The following CPEB3 variants were observed in gnomAD, a reference collection of about 807,000 sequenced individuals.
CPEB3 encodes the protein cytoplasmic polyadenylation element-binding protein 3.
Under a neutral mutation model 67.2 loss-of-function variants are expected in CPEB3, and 20 were observed. The ratio of observed to expected loss-of-function variants is 0.30; its 90% CI spans 0.21 to 0.43. The LOEUF is 0.43. Ranked by LOEUF, CPEB3 falls within the 20% of genes least tolerant of loss-of-function variation. CPEB3 has a pLI of 1.00. For synonymous variants in CPEB3, 376 were observed against 393.1 expected (o/e 0.96, Z 0.51); for missense variants, 746 against 968.6 (o/e 0.77, Z 3.05).
intron 9 of CPEB3, among the ~76,000 whole-genome samples, chr10:92,062,480 T>A (rs1028468429): frequency 1.3e-5 from 2 of 152,166 alleles, no homozygotes; most frequent in African/African-American, 4.8e-5. Flanking sequence ...CCCACATGAC[T>A]AGTATTTATG....
chr10:92,120,098 CAAAAA>C (rs34785763), intron 6 of CPEB3, among the ~76,000 whole-genome samples: 2 of 45,284 alleles, frequency 4.4e-5, no homozygotes, highest in African/African-American at 1.3e-4. Flanking sequence ...ACTAAAAATA[CAAAAA>C]AAAAAAAAAA....
chr10:92,101,393 T>C (rs960308951), intron 7 of CPEB3, among the ~76,000 whole-genome samples: 2 of 152,040 alleles, frequency 1.3e-5, no homozygotes, highest in African/African-American at 4.8e-5. Context: ...GGAAAAACAA[T>C]ACTGCAGAAC....
intron 7 of CPEB3, among the ~76,000 whole-genome samples, chr10:92,107,041 T>A (rs1205343243): frequency 1.3e-5 from 2 of 151,826 alleles, no homozygotes; most frequent in African/African-American, 2.4e-5. Context: ...ACCAAAGAGG[T>A]GTGAATGAAA....
At chr10:92,074,720 T>G (rs1009080162) in intron 9 of CPEB3, among the ~76,000 whole-genome samples, 1 of 152,196 alleles carries the variant, frequency 6.6e-6, no homozygotes, top group Admixed American at 6.5e-5. Flanking sequence ...TTAAGGACTT[T>G]GACCTTTATC....
chr10:92,215,544 C>T (rs1165764180), intron 2 of CPEB3, among the ~76,000 whole-genome samples: 1 of 149,954 alleles, frequency 6.7e-6, no homozygotes. Context: ...CGGGTTCAAG[C>T]GATTTTCCTG....
intron 2 of CPEB3, among the ~76,000 whole-genome samples, chr10:92,236,726 G>A (rs1465945728): frequency 6.6e-6 from 1 of 151,298 alleles, no homozygotes; most frequent in Non-Finnish European, 1.5e-5. Context: ...TCCACCCTGA[G>A]CAACAAAAGT....
At chr10:92,244,052 C>T (rs1851955956) in intron 1 of CPEB3, among the ~76,000 whole-genome samples, 4 of 152,028 alleles carry the variant, frequency 2.6e-5, no homozygotes. Context: ...TATTTAAAAA[C>T]AATTGTATAT....
At chr10:92,089,928 A>C (rs563660860) in intron 8 of CPEB3, among the ~76,000 whole-genome samples, 2 of 152,362 alleles carry the variant, frequency 1.3e-5, no homozygotes, top group East Asian at 3.9e-4. Flanking sequence ...AATGTTAAAG[A>C]ATATAATTTC....
chr10:92,144,294 C>G (rs1846575653), intron 5 of CPEB3, among the ~76,000 whole-genome samples: 2 of 152,086 alleles, frequency 1.3e-5, no homozygotes, highest in African/African-American at 4.8e-5. Context: ...ACTTATGAGA[C>G]AGGGTCTCAC....
At chr10:92,141,763 A>G (rs1315331733) in intron 6 of CPEB3, among the ~76,000 whole-genome samples, 1 of 151,368 alleles carries the variant, frequency 6.6e-6, no homozygotes, top group East Asian at 1.9e-4. Flanking sequence ...TCACGCCTGT[A>G]ATCCCAGCAC....
intron 9 of CPEB3, among the ~76,000 whole-genome samples, chr10:92,053,747 T>A (rs1237240374): frequency 1.3e-5 from 2 of 152,166 alleles, no homozygotes; most frequent in East Asian, 3.9e-4. Flanking sequence ...TTCACTGTGT[T>A]AGCCAGGATG....
chr10:92,268,504 T>C (rs1422645904), intron 1 of CPEB3, among the ~76,000 whole-genome samples: 2 of 152,156 alleles, frequency 1.3e-5, no homozygotes, highest in South Asian at 2.1e-4. Flanking sequence ...TTTTAGAGTG[T>C]ACTGCAGTCA....
intron 1 of CPEB3, among the ~76,000 whole-genome samples, chr10:92,281,829 T>C (rs910086554): frequency 2.6e-5 from 4 of 152,236 alleles, no homozygotes; most frequent in Admixed American, 2.0e-4. Flanking sequence ...GGTTCCAATG[T>C]CTTGAATGGT....
chr10:92,162,511 C>G (rs1238147274), intron 4 of CPEB3, among the ~76,000 whole-genome samples: 1 of 151,930 alleles, frequency 6.6e-6, no homozygotes, highest in South Asian at 2.1e-4. Flanking sequence ...ATCCACAGTG[C>G]TAATATTTTT....
At chr10:92,203,528 A>T (rs11186855) in intron 2 of CPEB3, among the ~76,000 whole-genome samples, 27,807 of 93,740 alleles carry the variant, frequency 0.3, 3,445 homozygotes, top group African/African-American at 0.47. Context: ...ATATATATAT[A>T]TTTTTTTTTT....
At chr10:92,068,754 G>A (rs1399719440) in intron 9 of CPEB3, among the ~76,000 whole-genome samples, 1 of 152,178 alleles carries the variant, frequency 6.6e-6, no homozygotes, top group Non-Finnish European at 1.5e-5. Flanking sequence ...CGTGGAAGGA[G>A]AGCATGGACA....
chr10:92,063,015 C>A (rs1328118740), intron 9 of CPEB3, among the ~76,000 whole-genome samples: 1 of 152,186 alleles, frequency 6.6e-6, no homozygotes, highest in Non-Finnish European at 1.5e-5. Context: ...TACTGATGAG[C>A]TTGTAACCAC....
chr10:92,256,885 A>G (rs191220942), intron 1 of CPEB3, among the ~76,000 whole-genome samples: 3 of 152,338 alleles, frequency 2.0e-5, no homozygotes, highest in Non-Finnish European at 4.4e-5. Flanking sequence ...TGCCTTTCCT[A>G]GAAGACCTCC....
At chr10:92,116,385 A>C (rs1845032275) in intron 6 of CPEB3, among the ~76,000 whole-genome samples, 1 of 152,072 alleles carries the variant, frequency 6.6e-6, no homozygotes, top group Admixed American at 6.5e-5. Context: ...TGACAGGCTG[A>C]ATATTACTGC....
Sources: gnomAD v4.1 joint callset for allele counts (sites outside exome capture counted in the v4.1 genomes callset) on GRCh38, gnomAD v4.1.1 for gene constraint, MANE v1.5 for transcripts, NCBI Gene and HGNC (gene_info 2026-07-23, HGNC 2026-07-21) for gene names.